CACNA1A: variants seen among roughly 807,000 people sequenced by gnomAD.
CACNA1A encodes the protein calcium voltage-gated channel subunit alpha1 A.
Under a neutral mutation model 262.4 loss-of-function variants are expected in CACNA1A, and 57 were observed. That is an observed-to-expected ratio of 0.22 (90% CI 0.18 to 0.27). The LOEUF is 0.27. Ranked by LOEUF, CACNA1A falls within the 10% of genes least tolerant of loss-of-function variation. The pLI is 1.00. For missense variants in CACNA1A, 2,526 were observed against 3,562.8 expected (o/e 0.71, Z 7.41); for synonymous variants, 1,431 against 1,419.3 (o/e 1.01, Z -0.18).
chr19:13,211,747 C>T (rs552462184), intron 43 of CACNA1A: 8 of 283,378 alleles, frequency 2.8e-5, no homozygotes, highest in African/African-American at 6.5e-5. Context: ...GGGTGATCTT[C>T]GTGGCAGGTC....
At chr19:13,442,991 A>C (rs184573962) in intron 3 of CACNA1A, among the ~76,000 whole-genome samples, 2 of 152,340 alleles carry the variant, frequency 1.3e-5, no homozygotes, top group Admixed American at 6.5e-5. Flanking sequence ...CTTATGAGAC[A>C]GATGCTCTGG....
intron 3 of CACNA1A, among the ~76,000 whole-genome samples, chr19:13,397,667 C>T (rs1020421522): frequency 3.9e-5 from 6 of 152,088 alleles, no homozygotes; most frequent in Admixed American, 1.3e-4. Flanking sequence ...CACGCAAAGA[C>T]TCATGTCTGT....
In CACNA1A at chr19:13,231,774, C is replaced by A; in HGVS notation, c.5336G>T (p.Arg1779Leu). The A allele has an allele frequency of 5.6e-6, 9 of 1,613,840 alleles. No homozygotes were observed. Among genetic ancestry groups the A allele is most frequent in the Non-Finnish European group, 7.6e-6 (9 of 1,179,794 alleles). Residue 1779 changes from arginine to leucine, a missense_variant, in exon 35 of 47, where the codon CGA (arginine) becomes CTA (leucine). This residue lies in a region of CACNA1A where 39 missense variants were observed against 124.9 expected (regional missense o/e 0.31). Coordinates refer to ENST00000360228, the MANE Select transcript of CACNA1A (RefSeq NM_001127222.2). ...ATAAGCAAATTCATTGCCACACTCTCGAGTCAGGATGCCAGAGTTCTTATC... is the reference window on the plus strand; with the variant it reads ...ATAAGCAAATTCATTGCCACACTCTAGAGTCAGGATGCCAGAGTTCTTATC... Reference protein sequence around the residue: ...PCDKNSGILTRECGNEFAYFY... With the variant: ...PCDKNSGILTLECGNEFAYFY...
chr19:13,262,939 A>G, intron 24 of CACNA1A, 106 bp from the exon 25 acceptor site: 1 of 754,940 alleles, frequency 1.3e-6, no homozygotes, highest in Non-Finnish European at 2.4e-6. Context: ...CCAGGCCTAG[A>G]AGTCTGGGGT....
intron 6 of CACNA1A, among the ~76,000 whole-genome samples, chr19:13,339,849 C>G (rs1186426429): frequency 6.6e-6 from 1 of 151,344 alleles, no homozygotes; most frequent in Non-Finnish European, 1.5e-5. Context: ...GTTCTGGGGA[C>G]AATGAATGTG....
chr19:13,329,257 G>A (rs1405616255), intron 10 of CACNA1A, among the ~76,000 whole-genome samples: 8 of 152,036 alleles, frequency 5.3e-5, no homozygotes. Context: ...TGTTCCTTCT[G>A]CTATCACCAC....
intron 1 of CACNA1A, among the ~76,000 whole-genome samples, chr19:13,476,838 T>C (rs988886494): frequency 6.6e-6 from 1 of 152,120 alleles, no homozygotes; most frequent in Non-Finnish European, 1.5e-5. Context: ...GGACCAACAC[T>C]GTCACCTCCT....
Position 13,236,264 on chromosome 19 carries a change from C to T in CACNA1A, c.4951-534G>A, listed in dbSNP as rs145578370. On this transcript the variant is annotated intron_variant, in intron 31 of 46. Coordinates refer to ENST00000360228, the MANE Select transcript of CACNA1A (RefSeq NM_001127222.2). The surrounding 1 kb of genome is among the most constrained non-coding windows in gnomAD (Gnocchi z 4.6). ...CACAGTCAGGCCTGGTGGACATGTG[C>T]GGGTTCCGAGGGCATGTTACGCTCC... Among the ~76,000 whole-genome samples, 26 of 152,132 alleles carry T rather than the reference C, an allele frequency of 1.7e-4. No homozygotes were observed. The East Asian group carries it at 4.1e-3, about 24-fold the overall frequency.
At chr19:13,380,737 GTTT>G (rs1256110521) in intron 3 of CACNA1A, among the ~76,000 whole-genome samples, 9 of 74,020 alleles carry the variant, frequency 1.2e-4, no homozygotes, top group Non-Finnish European at 2.1e-4. Flanking sequence ...TTATTGGTTT[GTTT>G]GTTTGTTTGT....
intron 24 of CACNA1A, among the ~76,000 whole-genome samples, chr19:13,269,745 T>C (rs193245274): frequency 1.3e-5 from 2 of 152,186 alleles, no homozygotes; most frequent in Admixed American, 6.5e-5. Flanking sequence ...GGTAGACGCA[T>C]GGATACAAGG....
intron 45 of CACNA1A, 66 bp from the exon 46 acceptor site, chr19:13,209,075 CA>C: frequency 5.9e-6 from 9 of 1,530,442 alleles, no homozygotes; most frequent in East Asian, 2.4e-5. Context: ...CAGATGCACA[CA>C]CAGGAGGCCA....
chr19:13,210,511 G>C, intron 44 of CACNA1A, 106 bp downstream of exon 44: 1 of 1,004,126 alleles, frequency 1.0e-6, no homozygotes, highest in Non-Finnish European at 1.5e-6. Flanking sequence ...GCCAAAGAAA[G>C]GGTGGGGTCC....
At chr19:13,238,105 G>T (rs1441685240) in intron 31 of CACNA1A, among the ~76,000 whole-genome samples, 2 of 152,234 alleles carry the variant, frequency 1.3e-5, no homozygotes, top group Non-Finnish European at 2.9e-5. Flanking sequence ...AGGGTTTGGG[G>T]CAGTGGGGGA....
At chr19:13,288,396 T>C (rs985715917) in intron 19 of CACNA1A, among the ~76,000 whole-genome samples, 3 of 151,896 alleles carry the variant, frequency 2.0e-5, no homozygotes, top group Non-Finnish European at 2.9e-5. Flanking sequence ...TGCACCACAA[T>C]ACCCAGCTAG....
At chr19:13,310,034 G>A (rs1253574905) in intron 12 of CACNA1A, among the ~76,000 whole-genome samples, 1 of 152,088 alleles carries the variant, frequency 6.6e-6, no homozygotes, top group Non-Finnish European at 1.5e-5. Context: ...CTATGGATTT[G>A]CCTGCTCTGG....
chr19:13,300,618 A>C lies in CACNA1A; in HGVS notation c.2211T>G (p.Leu737=). The C allele has an allele frequency of 6.2e-7, 1 of 1,613,916 alleles. No individual in the cohort carries two copies. The highest frequency in any genetic ancestry group is 8.5e-7 in the Non-Finnish European group (1 of 1,179,858). ...CCACCTCCTTGGCTTTCTGTAGGGC[A>C]AGTTTCTGGTTCGCTGCTTCTTCTT... ...QEEEEAANQK[L]ALQKAKEVAE... The change falls in exon 18 of 47, where the codon CTT becomes CTG. Residue 737 remains leucine (L), a synonymous_variant. Transcript: ENST00000360228.
At chr19:13,464,266 GC>G (rs1216956059) in intron 1 of CACNA1A, among the ~76,000 whole-genome samples, 6 of 152,110 alleles carry the variant, frequency 3.9e-5, no homozygotes, top group Non-Finnish European at 7.3e-5. Context: ...AGGCATGTTG[GC>G]ACATGCCTGT....
chr19:13,329,068 C>T (rs1959217716), intron 10 of CACNA1A, among the ~76,000 whole-genome samples: 1 of 152,124 alleles, frequency 6.6e-6, no homozygotes, highest in African/African-American at 2.4e-5. Context: ...AAAACAAAAA[C>T]CCATTAAAGA....
intron 1 of CACNA1A, among the ~76,000 whole-genome samples, chr19:13,468,520 C>G (rs1682218781): frequency 6.6e-6 from 1 of 152,200 alleles, no homozygotes; most frequent in African/African-American, 2.4e-5. Context: ...GGCGCAGTGG[C>G]TCACACCTGT....
Sources: gnomAD v4.1 joint callset for allele counts (sites outside exome capture counted in the v4.1 genomes callset) on GRCh38, gnomAD v4.1.1 for gene constraint, gnomAD v4.1.1 regional missense constraint, Gnocchi (gnomAD v3.1) non-coding constraint, MANE v1.5 for transcripts, NCBI Gene and HGNC (gene_info 2026-07-23, HGNC 2026-07-21) for gene names.